The following MTAP variants were observed in gnomAD, a reference collection of about 807,000 sequenced individuals.
MTAP encodes the protein S-methyl-5'-thioadenosine phosphorylase.
In MTAP, 33 loss-of-function variants were observed where a neutral mutation model predicts 33.6. That is an observed-to-expected ratio of 0.98 (90% CI 0.74 to 1.31). The LOEUF (loss-of-function observed/expected upper bound fraction) is 1.31, where lower values mean the gene tolerates loss of function less well. Among genes scored for constraint, MTAP ranks in the 40% most tolerant of loss-of-function variants. The pLI is 0.00. For missense variants in MTAP, 367 were observed against 360.0 expected, an observed-to-expected ratio of 1.02 and a Z score of -0.16; for synonymous variants, 148 against 125.7, an observed-to-expected ratio of 1.18 and a Z score of -1.19.
chr9:21,847,305 C>G (rs1229674069), intron 5 of MTAP, among the ~76,000 whole-genome samples: 1 of 152,120 alleles, frequency 6.6e-6, no homozygotes, highest in Non-Finnish European at 1.5e-5. Flanking sequence ...TTCTGTCCCT[C>G]TAGAGAACCC....
rs1825801074 is a variant in MTAP, at chr9:21,863,733, T to G, written c.*1719T>G. 2 of 985,770 alleles carry G rather than the reference T, an allele frequency of 2.0e-6. No homozygotes were observed. The highest frequency in any genetic ancestry group is 1.7e-5 in the African/African-American group (1 of 57,252). 61.1% of individuals were successfully genotyped at this position (985,770 alleles called of 1,614,324 possible). On this transcript the variant is annotated 3_prime_UTR_variant, in exon 8 of 8. Transcript: ENST00000644715. Reference sequence around the variant, plus strand: ...TCACTGTAGGCTATTACAGGATACTTCAGGATCAAGATACAGAACCTTTTA... The same window carrying G: ...TCACTGTAGGCTATTACAGGATACTGCAGGATCAAGATACAGAACCTTTTA...
intron 1 of MTAP, among the ~76,000 whole-genome samples, chr9:21,872,864 T>C (rs1049268217): frequency 1.3e-5 from 2 of 152,134 alleles, no homozygotes; most frequent in Non-Finnish European, 2.9e-5. Context: ...CCAGAGGCAA[T>C]GTGAGCACTC....
rs117356240 is a variant in MTAP at position 21,903,806 on chromosome 9, G to T, written c.148-27202G>T. ...CTCCGACCCCATGGCAGTGTCTAGG[G>T]GTGAATATTTACAGCTCCTGAAGCC... On this transcript the variant is annotated intron_variant, in intron 1 of 1. Coordinates refer to the MTAP transcript ENST00000577563. Among the ~76,000 whole-genome samples the T allele has an allele frequency of 3.5e-3, 538 of 152,236 alleles. 9 individuals carry two copies. In the East Asian group the frequency reaches 0.046, roughly 13 times the overall value.
chr9:21,867,677 A>G (rs1306392115), downstream of MTAP, among the ~76,000 whole-genome samples: 1 of 151,054 alleles, frequency 6.6e-6, no homozygotes, highest in East Asian at 2.0e-4. Flanking sequence ...TTACAAACAT[A>G]TATTTTTAAG....
At chr9:21,880,717 G>A (rs1817993647) in intron 1 of MTAP, among the ~76,000 whole-genome samples, 1 of 152,002 alleles carries the variant, frequency 6.6e-6, no homozygotes, top group South Asian at 2.1e-4. Flanking sequence ...AACATACTCT[G>A]CTTGTCCACT....
intron 1 of MTAP, among the ~76,000 whole-genome samples, chr9:21,910,794 T>C (rs1818562703): frequency 6.6e-6 from 1 of 152,136 alleles, no homozygotes; most frequent in Non-Finnish European, 1.5e-5. Flanking sequence ...CTCCAGAGTA[T>C]TTCCATCGCT....
At chr9:21,917,171 A>G (rs1205650059) in intron 1 of MTAP, among the ~76,000 whole-genome samples, 2 of 152,232 alleles carry the variant, frequency 1.3e-5, no homozygotes, top group African/African-American at 4.8e-5. Flanking sequence ...GGGGAAATAC[A>G]AAGAGTCCAG....
At chr9:21,838,385 C>T (rs1825161137) in intron 5 of MTAP, among the ~76,000 whole-genome samples, 1 of 152,168 alleles carries the variant, frequency 6.6e-6, no homozygotes, top group African/African-American at 2.4e-5. Flanking sequence ...AATTATTTGA[C>T]ATATGTGGGT....
At chr9:21,930,131 G>C (rs1818933333) in intron 1 of MTAP, 2 of 455,466 alleles carry the variant, frequency 4.4e-6, no homozygotes, top group South Asian at 3.4e-5. Flanking sequence ...CTCCACAGCA[G>C]AATGGGTTCT....
intron 4 of MTAP, among the ~76,000 whole-genome samples, chr9:21,830,231 TG>T (rs1416090921): frequency 6.6e-6 from 1 of 152,348 alleles, no homozygotes; most frequent in South Asian, 2.1e-4. Context: ...TTCCCGTTTT[TG>T]TTGCACAGGG....
intron 1 of MTAP, among the ~76,000 whole-genome samples, chr9:21,875,776 C>G (rs1486177629): frequency 2.0e-5 from 3 of 152,102 alleles, no homozygotes; most frequent in Admixed American, 2.0e-4. Context: ...ACCACATTTT[C>G]TTTGTCCAGT....
intron 1 of MTAP, among the ~76,000 whole-genome samples, chr9:21,921,355 G>T (rs1197540987): frequency 6.6e-6 from 1 of 151,760 alleles, no homozygotes; most frequent in East Asian, 1.9e-4. Flanking sequence ...AAACCTTTTT[G>T]TTGATATTTT....
At chr9:21,802,822 G>A in intron 1 of MTAP, 41 bp downstream of exon 1, 2 of 1,610,806 alleles carry the variant, frequency 1.2e-6, no homozygotes, top group African/African-American at 1.3e-5. Context: ...CGCCCTGCCG[G>A]ATGCCTTCTC....
At chr9:21,888,511 G>A (rs1274865806) in intron 1 of MTAP, among the ~76,000 whole-genome samples, 8 of 152,104 alleles carry the variant, frequency 5.3e-5, no homozygotes, top group East Asian at 1.9e-4. Context: ...AGTGTTAGGC[G>A]TATATATATT....
intron 1 of MTAP, among the ~76,000 whole-genome samples, chr9:21,880,435 T>G (rs1259816825): frequency 6.6e-6 from 1 of 152,146 alleles, no homozygotes; most frequent in African/African-American, 2.4e-5. Flanking sequence ...AAAAGCCATC[T>G]AGATTGGAAA....
At chr9:21,831,204 A>G (rs1212764200) in intron 4 of MTAP, among the ~76,000 whole-genome samples, 1 of 152,126 alleles carries the variant, frequency 6.6e-6, no homozygotes, top group African/African-American at 2.4e-5. Flanking sequence ...GATTCCAGCA[A>G]TTTCTACAGT....
chr9:21,825,513 A>C (rs1202082362), intron 4 of MTAP, among the ~76,000 whole-genome samples: 5 of 152,134 alleles, frequency 3.3e-5, no homozygotes, highest in African/African-American at 7.2e-5. Flanking sequence ...TCACATCCTC[A>C]TCAACACTTA....
intron 1 of MTAP, among the ~76,000 whole-genome samples, chr9:21,882,191 T>C (rs931196228): frequency 1.3e-5 from 2 of 151,798 alleles, no homozygotes; most frequent in African/African-American, 4.8e-5. Flanking sequence ...ATTAAAAAAA[T>C]TAAAGTGGAT....
At chr9:21,931,235 A>G (rs1485642775), downstream of MTAP, 1 of 652,996 alleles carries the variant, frequency 1.5e-6, no homozygotes, top group Non-Finnish European at 2.8e-6. Context: ...TCACCATCAC[A>G]CCTCTGTCAG....
Sources: allele counts gnomAD v4.1 joint callset (sites outside exome capture counted in the v4.1 genomes callset), GRCh38; gene constraint gnomAD v4.1.1; transcripts MANE v1.5; gene names NCBI Gene and HGNC (gene_info 2026-07-23, HGNC 2026-07-21).